CDH13: variants seen among roughly 807,000 people sequenced by gnomAD.
The protein encoded by CDH13 is cadherin 13.
A neutral mutation model predicts 63.8 loss-of-function variants in CDH13; 24 were observed. The ratio of observed to expected loss-of-function variants is 0.38; its 90% CI spans 0.27 to 0.53. The LOEUF (loss-of-function observed/expected upper bound fraction) is 0.53. Among genes scored for constraint, CDH13 ranks in the 20% least tolerant of loss-of-function variants. CDH13 has a pLI of 0.85. For missense variants in CDH13, 1,049 were observed against 903.1 expected (o/e 1.16, Z -2.07); for synonymous variants, 503 against 355.3 (o/e 1.42, Z -4.67).
In CDH13 at chr16:83,611,950, A is replaced by T. The variant is rs929278473; in HGVS notation, c.1101+9356A>T. ...ACAAGCTCACATGTAATCAATTTTG[A>T]TAGATGGCCCATGAATGCTTTAAAA... On this transcript the variant is annotated intron_variant, in intron 8 of 13. Transcript: ENST00000567109. Among the ~76,000 whole-genome samples the T allele has an allele frequency of 2.0e-5, 3 of 152,098 alleles. No individual in the cohort carries two copies. The East Asian group carries it at 5.8e-4, about 29-fold the overall frequency.
chr16:82,914,040 A>G (rs932826228), intron 2 of CDH13, among the ~76,000 whole-genome samples: 11 of 151,840 alleles, frequency 7.2e-5, no homozygotes, highest in African/African-American at 2.4e-4. Flanking sequence ...GGTAAGAGCA[A>G]TGACTTGGTC....
chr16:82,959,552 C>T (rs1906640015), intron 2 of CDH13, among the ~76,000 whole-genome samples: 1 of 152,170 alleles, frequency 6.6e-6, no homozygotes, highest in African/African-American at 2.4e-5. Flanking sequence ...TGGATCTCTC[C>T]AGCCATTTTC....
In CDH13 at chr16:83,461,590, C is replaced by T. The variant is rs200907854; in HGVS notation, c.782-24887C>T. Among the ~76,000 whole-genome samples the T allele has an allele frequency of 4.6e-5, 7 of 152,302 alleles. No homozygotes were observed. In the East Asian group the frequency reaches 1.4e-3, roughly 29 times the overall value. The stretch of plus-strand genomic sequence containing the variant: ...CTTAGTTGACAAGTTCAAAAGGAGC[C>T]TTCTGTACAAGTGTCTGCCCAGAGA... On this transcript the variant is annotated intron_variant, in intron 6 of 13. Transcript: ENST00000567109.
rs538430330 is a variant in CDH13, at chr16:83,424,099, G to A, written c.782-62378G>A. Among the ~76,000 whole-genome samples, 3 of 152,002 alleles carry A rather than the reference G, an allele frequency of 2.0e-5. 1 individual carries two copies. In the South Asian group the frequency reaches 6.2e-4, roughly 32 times the overall value. On this transcript the variant is annotated intron_variant, in intron 6 of 13. Coordinates refer to ENST00000567109, the MANE Select transcript of CDH13 (RefSeq NM_001257.5). ...CCAACAGGGACTGAAAAGTCTAGAA[G>A]AGGGAAATCCAAAACGTACTGAACA...
chr16:83,694,817 G>C (rs1470525503), intron 10 of CDH13, among the ~76,000 whole-genome samples: 1 of 152,184 alleles, frequency 6.6e-6, no homozygotes, highest in Non-Finnish European at 1.5e-5. Flanking sequence ...GGAGAGTCAA[G>C]CCAGGCCCTC....
intron 6 of CDH13, among the ~76,000 whole-genome samples, chr16:83,468,012 G>A (rs1384435778): frequency 1.3e-5 from 2 of 152,188 alleles, no homozygotes; most frequent in African/African-American, 4.8e-5. Flanking sequence ...AGTCAGCACA[G>A]TTCACAGGTG....
intron 7 of CDH13, among the ~76,000 whole-genome samples, chr16:83,553,074 A>G (rs1258548694): frequency 1.1e-5 from 1 of 88,760 alleles, no homozygotes; most frequent in Non-Finnish European, 2.6e-5. Flanking sequence ...GTGAGACTCC[A>G]TCTCAAAAAA....
At chr16:83,476,438 C>T (rs2073607127) in intron 6 of CDH13, among the ~76,000 whole-genome samples, 1 of 152,194 alleles carries the variant, frequency 6.6e-6, no homozygotes, top group African/African-American at 2.4e-5. Context: ...TTTGAGAGGC[C>T]AAGGTGGGCA....
chr16:83,264,363 G>T (rs896886898), intron 5 of CDH13, among the ~76,000 whole-genome samples: 18 of 151,944 alleles, frequency 1.2e-4, no homozygotes, highest in African/African-American at 4.4e-4. Context: ...TTTCCAACTT[G>T]GTTTGGCCAA....
rs574168329 is a variant in CDH13, at chr16:83,193,848, GC to G, written c.484-23496del. The stretch of plus-strand genomic sequence containing the variant: ...TTCTGCTTCCTTCTCTGTGAATAGG[GC>G]TAACGATGCCTATTTAGATTATGAA... On this transcript the variant is annotated intron_variant, in intron 4 of 13. Transcript: ENST00000567109. 9.5e-4 allele frequency among the ~76,000 whole-genome samples: 144 copies of G among 152,228 alleles called. 1 individual carries two copies. Among genetic ancestry groups the G allele is most frequent in the African/African-American group, 3.4e-3 (142 of 41,536 alleles).
intron 7 of CDH13, among the ~76,000 whole-genome samples, chr16:83,499,452 C>G (rs948096192): frequency 6.6e-6 from 1 of 152,228 alleles, no homozygotes; most frequent in Admixed American, 6.5e-5. Context: ...TTTAACTTCA[C>G]CTTTCACCAG....
chr16:82,741,981 G>C (rs528950509), intron 1 of CDH13, among the ~76,000 whole-genome samples: 2 of 152,204 alleles, frequency 1.3e-5, no homozygotes, highest in South Asian at 4.1e-4. Context: ...ACATAGGATT[G>C]CTGATTATAG....
intron 4 of CDH13, among the ~76,000 whole-genome samples, chr16:83,135,296 T>C (rs559752701): frequency 1.1e-4 from 16 of 152,338 alleles, no homozygotes; most frequent in African/African-American, 3.4e-4. Flanking sequence ...CCAAGACTCT[T>C]CAATGCCACA....
chr16:82,713,606 G>A (rs1309498534), intron 1 of CDH13, among the ~76,000 whole-genome samples: 1 of 152,066 alleles, frequency 6.6e-6, no homozygotes, highest in African/African-American at 2.4e-5. Flanking sequence ...ATTCATGATT[G>A]TTATGATGTC....
chr16:83,133,756 C>G lies in CDH13; in HGVS notation c.483+8255C>G, dbSNP rs190215603. Among the ~76,000 whole-genome samples, 204 of 152,300 alleles carry G rather than the reference C, an allele frequency of 1.3e-3. 1 individual carries two copies. The highest frequency in any genetic ancestry group is 4.7e-3 in the African/African-American group (195 of 41,566). On this transcript the variant is annotated intron_variant, in intron 4 of 13. Transcript: ENST00000567109. ...TCAAGTGATCCACCTGCCTCGGCTG[C>G]CCAAAGTGCTGGGATTACAGGTGTG...
intron 7 of CDH13, among the ~76,000 whole-genome samples, chr16:83,500,311 TCTCCTTCTCCTCCTC>T (rs1567715342): frequency 0.019 from 20 of 1,026 alleles, 8 homozygotes; most frequent in African/African-American, 0.021. Flanking sequence ...TCCTTCTCCT[TCTCCTTCTCCTCCTC>T]CTCCTCCTCC....
chr16:83,664,315 A>G (rs776997480), intron 8 of CDH13, among the ~76,000 whole-genome samples: 12 of 152,216 alleles, frequency 7.9e-5, no homozygotes, highest in Non-Finnish European at 1.3e-4. Context: ...GTAGGTTCCA[A>G]TCATCTTGAA....
intron 3 of CDH13, among the ~76,000 whole-genome samples, chr16:83,120,573 C>G (rs1370528869): frequency 6.6e-6 from 1 of 152,064 alleles, no homozygotes; most frequent in Non-Finnish European, 1.5e-5. Context: ...AAGTTTACGT[C>G]TTTTTAAAGT....
At chr16:83,626,411 G>GT (rs935375582) in intron 8 of CDH13, among the ~76,000 whole-genome samples, 8 of 152,162 alleles carry the variant, frequency 5.3e-5, no homozygotes, top group African/African-American at 1.9e-4. Flanking sequence ...TTAGGATGTA[G>GT]TTGGCGCTCA....
Sources: allele counts gnomAD v4.1 joint callset (sites outside exome capture counted in the v4.1 genomes callset), GRCh38; gene constraint gnomAD v4.1.1; transcripts MANE v1.5; gene names NCBI Gene and HGNC (gene_info 2026-07-23, HGNC 2026-07-21).